Variants in GLI2 observed in about 807,000 individuals in gnomAD.
The protein encoded by GLI2 is transcription activator GLI2.
A neutral mutation model predicts 78.9 loss-of-function variants in GLI2; 22 were observed. The observed-to-expected ratio is 0.28, with a 90% CI of 0.20 to 0.40. The LOEUF is 0.40. Ranked by LOEUF, GLI2 falls within the 10% of genes least tolerant of loss-of-function variation. GLI2 has a pLI of 1.00. For missense variants in GLI2, 2,097 were observed against 2,213.2 expected, an observed-to-expected ratio of 0.95 and a Z score of 1.05; for synonymous variants, 974 against 963.7, an observed-to-expected ratio of 1.01 and a Z score of -0.20.
intron 2 of GLI2, among the ~76,000 whole-genome samples, chr2:120,818,426 C>T (rs1007646599): frequency 3.3e-5 from 5 of 152,218 alleles, no homozygotes; most frequent in Non-Finnish European, 7.4e-5. Flanking sequence ...ACTGGCTGGG[C>T]CTAGTCTGGG....
intron 2 of GLI2, among the ~76,000 whole-genome samples, chr2:120,803,928 C>T (rs1230295548): frequency 2.0e-5 from 3 of 152,096 alleles, no homozygotes; most frequent in Non-Finnish European, 2.9e-5. Context: ...GTAGTACTGG[C>T]GGGGCTGTGA....
chr2:120,950,354 A>G (rs1017461961), intron 3 of GLI2, among the ~76,000 whole-genome samples: 6 of 152,238 alleles, frequency 3.9e-5, no homozygotes, highest in African/African-American at 1.2e-4. Flanking sequence ...GCTTCACCAT[A>G]AAGTCTGATT....
chr2:120,821,417 A>G (rs1685769166), intron 2 of GLI2, among the ~76,000 whole-genome samples: 1 of 152,206 alleles, frequency 6.6e-6, no homozygotes, highest in Non-Finnish European at 1.5e-5. Flanking sequence ...TCCGGCGGAC[A>G]TTTATGGGCG....
intron 1 of GLI2, among the ~76,000 whole-genome samples, chr2:120,792,025 C>G (rs1352659847): frequency 6.6e-6 from 1 of 152,188 alleles, no homozygotes; most frequent in African/African-American, 2.4e-5. Context: ...CACCGTGGCT[C>G]TGTGGTGGCT....
chr2:120,841,846 AGG>A (rs1027217471), intron 2 of GLI2, among the ~76,000 whole-genome samples: 5 of 77,082 alleles, frequency 6.5e-5, no homozygotes, highest in African/African-American at 3.6e-4. Context: ...GCCAGTCTGG[AGG>A]GTGTGTGTGT....
intron 3 of GLI2, among the ~76,000 whole-genome samples, chr2:120,949,119 A>G (rs1025774625): frequency 3.9e-5 from 6 of 152,118 alleles, no homozygotes; most frequent in African/African-American, 1.4e-4. Flanking sequence ...CACAGGCTGG[A>G]GCCCACAGGA....
At chr2:120,755,820 C>T (rs908470277) in intron 1 of GLI2, among the ~76,000 whole-genome samples, 3 of 152,064 alleles carry the variant, frequency 2.0e-5, no homozygotes, top group Non-Finnish European at 4.4e-5. Flanking sequence ...CAGCCCCATT[C>T]GTTGAAAAGA....
rs13387782 is a variant in GLI2, at chr2:120,920,531, A to G, written c.149-6830A>G. ...CCCTCCTCACTAACACAAGAAGACCATTACACCCAGTACACTGCCCACACC... is the reference window on the plus strand; with the variant it reads ...CCCTCCTCACTAACACAAGAAGACCGTTACACCCAGTACACTGCCCACACC... On this transcript the variant is annotated intron_variant, in intron 2 of 13. Transcript: ENST00000361492. Among the ~76,000 whole-genome samples the G allele has an allele frequency of 4.8e-3, 733 of 152,270 alleles. 3 individuals are homozygous for G. The highest frequency in any genetic ancestry group is 0.016 in the African/African-American group (685 of 41,554).
At chr2:120,836,129 T>A (rs1686599119) in intron 2 of GLI2, among the ~76,000 whole-genome samples, 1 of 152,200 alleles carries the variant, frequency 6.6e-6, no homozygotes, top group Non-Finnish European at 1.5e-5. Context: ...TCTGGGCTGT[T>A]AAACCCTGAT....
intron 2 of GLI2, among the ~76,000 whole-genome samples, chr2:120,887,061 A>C (rs1446123981): frequency 1.3e-5 from 2 of 152,136 alleles, no homozygotes; most frequent in Non-Finnish European, 2.9e-5. Context: ...TGCCAGTGAC[A>C]CTGTGGGAAG....
chr2:120,977,759 A>G (rs7588213), intron 9 of GLI2, among the ~76,000 whole-genome samples: 1 of 152,040 alleles, frequency 6.6e-6, no homozygotes, highest in East Asian at 1.9e-4. Flanking sequence ...AGCTTCACAC[A>G]GTGCCCAGAG....
chr2:120,894,825 A>C (rs1390426884), intron 2 of GLI2, among the ~76,000 whole-genome samples: 2 of 151,968 alleles, frequency 1.3e-5, no homozygotes, highest in Non-Finnish European at 2.9e-5. Flanking sequence ...CAGCCTCCGG[A>C]GTAGCTGGGA....
At position 120,990,724 on chromosome 2, in the gene GLI2, C is replaced by A; in HGVS notation, c.*49C>A. The A allele has an allele frequency of 1.3e-6, 2 of 1,491,662 alleles. No individual in the cohort carries two copies. The highest frequency in any genetic ancestry group is 1.8e-6 in the Non-Finnish European group (2 of 1,087,262). 92.4% of individuals were successfully genotyped at this position (1,491,662 alleles called of 1,614,324 possible). A position where few individuals can be genotyped will look rare whatever the true frequency, so the allele number is the denominator to read the frequency against. ...TGCACCCGGAGGGGTCATCGCTGCC[C>A]AGAGCCTGGGGATTCCAGCTGTCTT... On this transcript the variant is annotated 3_prime_UTR_variant, in exon 14 of 14. Transcript: ENST00000361492.
intron 2 of GLI2, among the ~76,000 whole-genome samples, chr2:120,840,916 G>A (rs531802275): frequency 1.1e-4 from 16 of 152,226 alleles, no homozygotes; most frequent in Non-Finnish European, 2.2e-4. Context: ...ACCCACTCCT[G>A]GGCTGCTTAG....
Position 120,737,092 on chromosome 2 carries a change from A to T in GLI2, c.-31+807A>T, listed in dbSNP as rs1682387917. ...GGAATTTGAAAAATCCACTACTGCA[A>T]CTTGATCTGTATGTGATGGATGGGG... is the stretch of plus-strand genomic sequence containing the variant. On this transcript the variant is annotated intron_variant, in intron 1 of 13. Coordinates refer to ENST00000361492, the MANE Select transcript of GLI2 (RefSeq NM_001374353.1). The surrounding 1 kb of genome is among the most constrained non-coding windows in gnomAD (Gnocchi z 4.3). Among the ~76,000 whole-genome samples, 1 of 152,028 alleles carries T rather than the reference A, an allele frequency of 6.6e-6. No individual in the cohort carries two copies. The highest frequency in any genetic ancestry group is 2.4e-5 in the African/African-American group (1 of 41,402).
intron 3 of GLI2, among the ~76,000 whole-genome samples, chr2:120,937,571 C>T (rs535536086): frequency 1.3e-5 from 2 of 152,184 alleles, no homozygotes; most frequent in Non-Finnish European, 2.9e-5. Flanking sequence ...AAGGCCTCCC[C>T]CCACGTCCCA....
chr2:120,851,883 G>A (rs954948290), intron 2 of GLI2, among the ~76,000 whole-genome samples: 3 of 152,226 alleles, frequency 2.0e-5, no homozygotes, highest in Non-Finnish European at 4.4e-5. Context: ...TACTGGGGAA[G>A]GCCTTTCCCA....
At chr2:120,912,525 C>A (rs1455374114) in intron 2 of GLI2, among the ~76,000 whole-genome samples, 3 of 152,134 alleles carry the variant, frequency 2.0e-5, no homozygotes, top group Non-Finnish European at 4.4e-5. Flanking sequence ...AATACTGTTT[C>A]CATGCGCCAC....
intron 1 of GLI2, among the ~76,000 whole-genome samples, chr2:120,741,656 G>C (rs554262750): frequency 1.3e-5 from 2 of 151,520 alleles, no homozygotes; most frequent in South Asian, 4.2e-4. Flanking sequence ...CTCCCTCCGC[G>C]CCGGCTTTTC....
Sources: gnomAD v4.1 joint callset for allele counts (sites outside exome capture counted in the v4.1 genomes callset) on GRCh38, gnomAD v4.1.1 for gene constraint, Gnocchi (gnomAD v3.1) non-coding constraint, MANE v1.5 for transcripts, NCBI Gene and HGNC (gene_info 2026-07-23, HGNC 2026-07-21) for gene names.